The following TENM2 variants were observed in gnomAD, a reference collection of about 807,000 sequenced individuals.
TENM2 encodes the protein teneurin-2.
Under a neutral mutation model 245.2 loss-of-function variants are expected in TENM2, and 52 were observed. The observed-to-expected ratio is 0.21, with a 90% confidence interval of 0.17 to 0.27. The LOEUF is 0.27. Among genes scored for constraint, TENM2 ranks in the 10% least tolerant of loss-of-function variants. The pLI, the probability that TENM2 is intolerant of heterozygous loss-of-function variation, is 1.00. For synonymous variants in TENM2, 1,363 were observed against 1,438.9 expected, an observed-to-expected ratio of 0.95 and a Z score of 1.19; for missense variants, 3,046 against 3,666.8, an observed-to-expected ratio of 0.83 and a Z score of 4.37.
chr5:167,341,152 G>A (rs957773868), intron 1 of TENM2, among the ~76,000 whole-genome samples: 3 of 152,162 alleles, frequency 2.0e-5, no homozygotes, highest in Admixed American at 6.5e-5. Context: ...AGTGACAGGC[G>A]TGCCACCGTT....
In TENM2 at chr5:167,730,270, T is replaced by C. The variant is rs553086862; in HGVS notation, c.503-145716T>C. Among the ~76,000 whole-genome samples the C allele has an allele frequency of 6.6e-5, 10 of 152,294 alleles. No individual in the cohort carries two copies. The South Asian group carries it at 2.1e-3, about 32-fold the overall frequency. On this transcript the variant is annotated intron_variant, in intron 2 of 28. Transcript: ENST00000518659. ...TTGGTCACTTATGCAATTTACAGAATTGAGGTCAGTTGAGGATGTTGGGAT... is the reference window on the plus strand; with the variant it reads ...TTGGTCACTTATGCAATTTACAGAACTGAGGTCAGTTGAGGATGTTGGGAT...
intron 4 of TENM2, among the ~76,000 whole-genome samples, chr5:167,987,229 T>G (rs1783311842): frequency 6.6e-6 from 1 of 152,128 alleles, no homozygotes; most frequent in Non-Finnish European, 1.5e-5. Context: ...ATCTGGTATG[T>G]CCTCTTCAAG....
At chr5:168,162,197 A>G (rs1357601144) in intron 12 of TENM2, among the ~76,000 whole-genome samples, 3 of 152,192 alleles carry the variant, frequency 2.0e-5, no homozygotes, top group South Asian at 2.1e-4. Context: ...CTGGGTTGAT[A>G]GGGAATTTTT....
At chr5:166,998,405 C>T in the TENM2 span, among the ~76,000 whole-genome samples, 3 of 152,042 alleles carry the variant, frequency 2.0e-5, no homozygotes, top group Admixed American at 2.0e-4. Context: ...GATCATCTTC[C>T]CTCCAATGTT....
the TENM2 span, among the ~76,000 whole-genome samples, chr5:167,055,266 C>T: frequency 6.6e-6 from 1 of 152,036 alleles, no homozygotes; most frequent in Non-Finnish European, 1.5e-5. Context: ...TCCAGTTGTT[C>T]TAGCCTAATT....
rs112175161 is a variant in TENM2, at chr5:167,632,393, A to C, written c.503-243593A>C. ...AGTCTATTACAAAATATGTGAATAC[A>C]TATAAATATAATAAAATGCCAAAGT... On this transcript the variant is annotated intron_variant, in intron 2 of 28. Coordinates refer to ENST00000518659, the Ensembl canonical transcript of TENM2. Among the ~76,000 whole-genome samples the C allele has an allele frequency of 1.7e-4, 26 of 152,338 alleles. No individual in the cohort carries two copies. The East Asian group carries it at 3.7e-3, about 21-fold the overall frequency.
intron 3 of TENM2, among the ~76,000 whole-genome samples, chr5:167,911,302 G>A (rs1776526634): frequency 6.6e-6 from 1 of 152,058 alleles, no homozygotes; most frequent in South Asian, 2.1e-4. Context: ...CGAGACGGAC[G>A]GATCATGAGG....
chr5:167,832,642 T>A (rs1768607437), intron 2 of TENM2, among the ~76,000 whole-genome samples: 1 of 149,362 alleles, frequency 6.7e-6, no homozygotes. Context: ...TCAGTAAGGA[T>A]GGGGAGAGGA....
intron 7 of TENM2, among the ~76,000 whole-genome samples, chr5:168,088,040 C>G (rs776643489): frequency 6.6e-6 from 1 of 152,170 alleles, no homozygotes; most frequent in Admixed American, 6.5e-5. Flanking sequence ...CTGGGCTGGA[C>G]GGTGAGCACT....
chr5:168,215,692 T>G (rs9986122), intron 21 of TENM2, among the ~76,000 whole-genome samples: 8,501 of 152,246 alleles, frequency 0.056, 732 homozygotes, highest in African/African-American at 0.19. Flanking sequence ...AAAACCTTAT[T>G]TATTTATTTG....
rs187844973 is a variant in TENM2 at position 168,074,572 on chromosome 5, C to T, written c.1515+12307C>T. On this transcript the variant is annotated intron_variant, in intron 7 of 28. Coordinates refer to ENST00000518659, the Ensembl canonical transcript of TENM2. ...TCCATCACTCACAGCTTTGGCCGTC[C>T]ACCGTAGGTGTTCAGTAAACAGCTG... 3.4e-5 allele frequency among the ~76,000 whole-genome samples: 5 copies of T among 148,950 alleles called. No homozygotes were observed. The South Asian group carries it at 8.9e-4, about 26-fold the overall frequency.
the TENM2 span, among the ~76,000 whole-genome samples, chr5:167,129,616 C>G: frequency 1.3e-5 from 2 of 152,096 alleles, no homozygotes; most frequent in Non-Finnish European, 2.9e-5. Context: ...GTTTCCTTAC[C>G]TGTCAAATGG....
At chr5:167,391,221 A>G (rs1761733596) in intron 2 of TENM2, among the ~76,000 whole-genome samples, 1 of 152,118 alleles carries the variant, frequency 6.6e-6, no homozygotes, top group African/African-American at 2.4e-5. Flanking sequence ...AATTTAGGGG[A>G]AATGGTGTAG....
the TENM2 span, among the ~76,000 whole-genome samples, chr5:167,237,687 T>C: frequency 6.6e-6 from 1 of 151,946 alleles, no homozygotes; most frequent in Non-Finnish European, 1.5e-5. Flanking sequence ...TGGAGGAAAA[T>C]CACCAAGATG....
At chr5:167,262,290 G>A in the TENM2 span, among the ~76,000 whole-genome samples, 23 of 151,974 alleles carry the variant, frequency 1.5e-4, no homozygotes, top group Admixed American at 9.2e-4. Context: ...CCTGGGAGGC[G>A]GAGGTTGCAG....
intron 1 of TENM2, among the ~76,000 whole-genome samples, chr5:167,336,667 C>A (rs149645620): frequency 0.011 from 1,691 of 152,186 alleles, 32 homozygotes; most frequent in African/African-American, 0.038. Context: ...TTATCATACC[C>A]TTTGAGAATT....
chr5:167,651,085 A>T (rs1158873795), intron 2 of TENM2, among the ~76,000 whole-genome samples: 2 of 151,960 alleles, frequency 1.3e-5, no homozygotes, highest in African/African-American at 4.8e-5. Flanking sequence ...ATGTCATCCT[A>T]CTTGAAGTGT....
At chr5:167,159,062 A>G in the TENM2 span, among the ~76,000 whole-genome samples, 3 of 150,152 alleles carry the variant, frequency 2.0e-5, no homozygotes, top group Non-Finnish European at 3.0e-5. Context: ...AAGAAATTCT[A>G]CTGCCTCAGA....
At chr5:167,679,761 G>GA in intron 2 of TENM2, among the ~76,000 whole-genome samples, 2 of 152,146 alleles carry the variant, frequency 1.3e-5, no homozygotes, top group South Asian at 4.1e-4. Context: ...TTTTATTGAT[G>GA]AAAAATCTAA....
Sources: gnomAD v4.1 joint callset for allele counts (sites outside exome capture counted in the v4.1 genomes callset) on GRCh38, gnomAD v4.1.1 for gene constraint, MANE v1.5 for transcripts, NCBI Gene and HGNC (gene_info 2026-07-23, HGNC 2026-07-21) for gene names.